ASPM: variants seen among roughly 807,000 people sequenced by gnomAD.
ASPM encodes abnormal spindle-like microcephaly-associated protein.
A neutral mutation model predicts 366.4 loss-of-function variants in ASPM; 256 were observed. The ratio of observed to expected loss-of-function variants is 0.70; its 90% confidence interval spans 0.63 to 0.77. The LOEUF (loss-of-function observed/expected upper bound fraction) is 0.77. Ranked by LOEUF, ASPM falls within the 30% of genes least tolerant of loss-of-function variation. The probability of loss-of-function intolerance (pLI) is 0.00; values close to 1 mark genes in which losing one functional copy is unlikely to be tolerated. For synonymous variants in ASPM, 1,414 were observed against 1,342.9 expected, an observed-to-expected ratio of 1.05 and a Z score of -1.16; for missense variants, 4,146 against 4,090.4, an observed-to-expected ratio of 1.01 and a Z score of -0.37.
In ASPM at chr1:197,143,509, G is replaced by A. The variant is rs1658668585; in HGVS notation, c.743C>T (p.Ser248Leu). 4 of 1,613,906 alleles carry A rather than the reference G, an allele frequency of 2.5e-6. No individual in the cohort carries two copies. In the South Asian group the frequency reaches 3.3e-5, roughly 13 times the overall value. Residue 248 changes from serine to leucine, a missense_variant, in exon 3 of 28, where the codon TCA becomes TTA. Ser to Leu is a moderately radical substitution (Grantham distance 145). Coordinates refer to ENST00000367409, the MANE Select transcript of ASPM (RefSeq NM_018136.5). Reference protein sequence around the residue: ...PLSVRRSTTYSSLHASENREL... With the variant: ...PLSVRRSTTYLSLHASENREL... Reference sequence around the variant, plus strand: ...CCTATTTTCTGATGCATGAAGAGATGAGTAGGTAGTAGATCGACGTACAGA... The same window carrying A: ...CCTATTTTCTGATGCATGAAGAGATAAGTAGGTAGTAGATCGACGTACAGA...
At chr1:197,141,338 G>C (rs1324269782) in intron 3 of ASPM, among the ~76,000 whole-genome samples, 2 of 152,210 alleles carry the variant, frequency 1.3e-5, no homozygotes, top group Admixed American at 1.3e-4. Context: ...CAGCAGAGTT[G>C]AGTAATTGCA....
At chr1:197,099,540 T>C (rs1657088604) in intron 18 of ASPM, among the ~76,000 whole-genome samples, 1 of 151,690 alleles carries the variant, frequency 6.6e-6, no homozygotes, top group Admixed American at 6.6e-5. Flanking sequence ...GAGACTAGCT[T>C]GATTTCCCAT....
intron 18 of ASPM, among the ~76,000 whole-genome samples, chr1:197,098,679 C>T (rs565106118): frequency 1.3e-5 from 2 of 151,724 alleles, no homozygotes; most frequent in African/African-American, 4.8e-5. Context: ...TTCTTTCCCT[C>T]TTAACACCTT....
intron 4 of ASPM, chr1:197,138,858 T>C: frequency 1.1e-6 from 1 of 916,132 alleles, no homozygotes; most frequent in Non-Finnish European, 1.8e-6. Flanking sequence ...TTCCAGTTGT[T>C]TTTTCTCTTC....
At chr1:197,096,316 T>A in intron 18 of ASPM, 152 bp from the exon 19 acceptor site, 1 of 700,702 alleles carries the variant, frequency 1.4e-6, no homozygotes, top group Non-Finnish European at 2.5e-6. Flanking sequence ...CTTTGACATG[T>A]AATGAGTCTT....
At chr1:197,112,310 A>G (rs1657609724) in intron 17 of ASPM, among the ~76,000 whole-genome samples, 1 of 152,156 alleles carries the variant, frequency 6.6e-6, no homozygotes, top group Non-Finnish European at 1.5e-5. Context: ...CTAAATGATG[A>G]GAAAACATGG....
chr1:197,086,415 A>G (rs1656588487), intron 27 of ASPM, among the ~76,000 whole-genome samples: 1 of 152,232 alleles, frequency 6.6e-6, no homozygotes, highest in Admixed American at 6.5e-5. Flanking sequence ...AATTTCAAGA[A>G]TCAGGGTGAT....
Position 197,127,584 on chromosome 1 carries a change from T to C in ASPM, c.2936+906A>G, listed in dbSNP as rs570462350. Among the ~76,000 whole-genome samples, 3 of 152,304 alleles carry C rather than the reference T, an allele frequency of 2.0e-5. No homozygotes were observed. In the East Asian group the frequency reaches 5.8e-4, roughly 29 times the overall value. On this transcript the variant is annotated intron_variant, in intron 10 of 27. Coordinates refer to ENST00000367409, the MANE Select transcript of ASPM (RefSeq NM_018136.5). ...ATAAAATGAGTATCTCCAACCCAGA[T>C]ACCCTGAAGAGGCCAATCATGGCAA...
chr1:197,114,039 A>G (rs1312647120), intron 17 of ASPM, among the ~76,000 whole-genome samples: 1 of 62,170 alleles, frequency 1.6e-5, no homozygotes, highest in Admixed American at 2.0e-4. Flanking sequence ...TAGTTGAAAT[A>G]TATACAGGCA....
At chr1:197,132,008 C>T (rs1658269542) in intron 7 of ASPM, among the ~76,000 whole-genome samples, 1 of 152,142 alleles carries the variant, frequency 6.6e-6, no homozygotes, top group Non-Finnish European at 1.5e-5. Context: ...AATGAGTTTA[C>T]TATAGTTGTC....
rs142865061 is a variant in ASPM at position 197,102,332 on chromosome 1, G to T, written c.6919C>A (p.Gln2307Lys). The change falls in exon 18 of 28, where the codon CAG becomes AAG. Residue 2307 changes from glutamine (Q) to lysine (K), a missense_variant. Physicochemically the swap from Gln to Lys is moderately conservative, Grantham distance 53. Coordinates refer to ENST00000367409, the MANE Select transcript of ASPM (RefSeq NM_018136.5). ...ACTGCATTTTGTACCTGAAGGAACT[G>T]TAAGTGATGCTTTGTACAAAGATGT... ...RAHLCTKHHL[Q>K]FLQVQNAVIK... The T allele has an allele frequency of 6.8e-6, 11 of 1,612,608 alleles. No homozygotes were observed. In the African/African-American group the frequency reaches 1.5e-4, roughly 22 times the overall value.
chr1:197,108,109 G>C (rs1255414874), intron 17 of ASPM, among the ~76,000 whole-genome samples: 1 of 151,536 alleles, frequency 6.6e-6, no homozygotes, highest in African/African-American at 2.4e-5. Flanking sequence ...GTCACTAACA[G>C]AAAAATAATA....
intron 8 of ASPM, 65 bp from the exon 9 acceptor site, chr1:197,129,382 T>C: frequency 4.6e-6 from 7 of 1,518,354 alleles, no homozygotes; most frequent in African/African-American, 1.4e-5. Context: ...TCTTAAAATA[T>C]GATAATAATA....
intron 17 of ASPM, among the ~76,000 whole-genome samples, chr1:197,116,655 C>T (rs926154460): frequency 6.6e-6 from 1 of 152,022 alleles, no homozygotes; most frequent in Admixed American, 6.6e-5. Context: ...GTTCATAATA[C>T]CTTTAATCAT....
chr1:197,096,053 A>G lies in ASPM; in HGVS notation c.8932T>C (p.Leu2978=). Residue 2978 remains leucine, a synonymous_variant, in exon 19 of 28, where the codon TTA becomes CTA. Coordinates refer to ENST00000367409, the MANE Select transcript of ASPM (RefSeq NM_018136.5). Reference sequence around the variant, plus strand: ...CCTTGAATAATTTTAACAGCTTTTAATATAGCTAGATATTCTTTGTGTGCT... The same window carrying G: ...CCTTGAATAATTTTAACAGCTTTTAGTATAGCTAGATATTCTTTGTGTGCT... The part of the protein sequence containing the change: ...WRAHKEYLAI[L]KAVKIIQGCF... 6.2e-7 allele frequency: 1 copy of G among 1,609,176 alleles called. No individual in the cohort carries two copies. The highest frequency in any genetic ancestry group is 8.5e-7 in the Non-Finnish European group (1 of 1,176,260).
At chr1:197,120,259 A>T (rs568313742) in intron 16 of ASPM, among the ~76,000 whole-genome samples, 1 of 150,122 alleles carries the variant, frequency 6.7e-6, no homozygotes, top group African/African-American at 2.5e-5. Flanking sequence ...GGCTGGGTGC[A>T]GTGGCTCATG....
chr1:197,093,324 G>T (rs929170625), intron 20 of ASPM, 63 bp from the exon 21 acceptor site: 5 of 1,312,258 alleles, frequency 3.8e-6, no homozygotes, highest in African/African-American at 1.5e-5. Flanking sequence ...CAACCCACTA[G>T]AAGTTCTTGA....
In ASPM at chr1:197,104,087, T is replaced by A. The variant is rs773553177; in HGVS notation, c.5164A>T (p.Arg1722Ter). 1.9e-6 allele frequency: 3 copies of A among 1,612,914 alleles called. No homozygotes were observed. The African/African-American group carries it at 4.0e-5, about 22-fold the overall frequency. The stretch of plus-strand genomic sequence containing the variant: ...TCCCGCATCTGCATATACTCTTCTC[T>A]CTTTTGTGCAGCTATTTTTTTGGAA... ...YRSKKIAAQK[R>*]EEYMQMRESC... Residue 1722 changes from arginine (R) to a stop codon, truncating the protein, a stop_gained, in exon 18 of 28, where the codon AGA becomes TGA. Transcript: ENST00000367409. LOFTEE classifies it high-confidence loss of function.
Position 197,105,005 on chromosome 1 carries a change from TTTG to T in ASPM, c.4243_4245del (p.Gln1415del). ...GTTGATGATTTTAGCATTTCATATC[TTTG>T]TTGATCTTGTTTTCTTCTTAAATAA... On this transcript the variant is annotated inframe_deletion, in exon 18 of 28. Transcript: ENST00000367409. 6.2e-7 allele frequency: 1 copy of T among 1,611,076 alleles called. No individual in the cohort carries two copies. Among genetic ancestry groups the T allele is most frequent in the Middle Eastern group, 1.7e-4 (1 of 6,038 alleles).
Sources: allele counts gnomAD v4.1 joint callset (sites outside exome capture counted in the v4.1 genomes callset), GRCh38; gene constraint gnomAD v4.1.1; transcripts MANE v1.5; gene names NCBI Gene and HGNC (gene_info 2026-07-23, HGNC 2026-07-21).